Variants in ENTREP2 observed in about 807,000 individuals in gnomAD.
The protein encoded by ENTREP2 is endosomal transmembrane epsin interactor 2.
the ENTREP2 span, among the ~76,000 whole-genome samples, chr15:29,365,913 G>C: frequency 1.3e-5 from 2 of 152,068 alleles, no homozygotes. Flanking sequence ...CCCGAATCAA[G>C]GTGCAGCAGA....
chr15:29,250,931 A>G, the ENTREP2 span, among the ~76,000 whole-genome samples: 1,311 of 152,300 alleles, frequency 8.6e-3, 53 homozygotes, highest in East Asian at 0.12. Flanking sequence ...TCAACAGACA[A>G]TAACAAGATG....
chr15:29,188,343 C>T, the ENTREP2 span, among the ~76,000 whole-genome samples: 3 of 152,034 alleles, frequency 2.0e-5, no homozygotes, highest in Non-Finnish European at 4.4e-5. Flanking sequence ...TTGCTGCACC[C>T]ATCAACACAT....
chr15:29,219,614 AATATATATATATATATATATAT>A, the ENTREP2 span, among the ~76,000 whole-genome samples: 331 of 38,394 alleles, frequency 8.6e-3, 13 homozygotes, highest in Middle Eastern at 0.025. Flanking sequence ...GTGGTGCATA[AATATATATATATATATATATAT>A]ATATATATAT....
chr15:29,316,257 T>C, the ENTREP2 span, among the ~76,000 whole-genome samples: 13 of 152,252 alleles, frequency 8.5e-5, no homozygotes, highest in Admixed American at 5.9e-4. Context: ...TTTAATTGTA[T>C]ATCTCAAGTG....
chr15:29,152,106 T>C, the ENTREP2 span, among the ~76,000 whole-genome samples: 3 of 152,186 alleles, frequency 2.0e-5, no homozygotes, highest in Non-Finnish European at 1.5e-5. Context: ...AGGTAGTCAG[T>C]AACATGTCTA....
At chr15:29,457,573 G>T in the ENTREP2 span, among the ~76,000 whole-genome samples, 1 of 152,184 alleles carries the variant, frequency 6.6e-6, no homozygotes, top group Non-Finnish European at 1.5e-5. Flanking sequence ...AAGCCCTGAG[G>T]CTTGGACAGA....
the ENTREP2 span, among the ~76,000 whole-genome samples, chr15:29,240,892 G>A: frequency 6.6e-6 from 1 of 152,096 alleles, no homozygotes; most frequent in Non-Finnish European, 1.5e-5. Context: ...GAAAGTTAGC[G>A]ACCATCATAT....
the ENTREP2 span, among the ~76,000 whole-genome samples, chr15:29,543,518 C>T: frequency 7.1e-5 from 10 of 141,258 alleles, no homozygotes; most frequent in African/African-American, 2.5e-4. Context: ...CAGTGGCTCA[C>T]GCCTGTAATC....
chr15:29,133,019 C>T, the ENTREP2 span, among the ~76,000 whole-genome samples: 1 of 152,176 alleles, frequency 6.6e-6, no homozygotes, highest in Non-Finnish European at 1.5e-5. Flanking sequence ...CCCCTGCCGC[C>T]TTCAGGGGTT....
the ENTREP2 span, among the ~76,000 whole-genome samples, chr15:29,388,355 C>T: frequency 3.3e-5 from 5 of 152,230 alleles, no homozygotes; most frequent in African/African-American, 1.2e-4. Context: ...AGCCAACAGA[C>T]ACATGAAAAA....
the ENTREP2 span, among the ~76,000 whole-genome samples, chr15:29,444,089 C>T: frequency 1.3e-5 from 2 of 151,354 alleles, no homozygotes; most frequent in South Asian, 2.1e-4. Context: ...GGCGACAGAG[C>T]AAGACTCCGT....
chr15:29,660,151 G>A, the ENTREP2 span, among the ~76,000 whole-genome samples: 1 of 152,112 alleles, frequency 6.6e-6, no homozygotes, highest in Non-Finnish European at 1.5e-5. Context: ...ATTGTTTTTG[G>A]CTTGAGCTAT....
chr15:29,587,169 G>GTA, the ENTREP2 span, among the ~76,000 whole-genome samples: 57 of 141,386 alleles, frequency 4.0e-4, 2 homozygotes, highest in South Asian at 2.0e-3. Context: ...GTGTGTGTGT[G>GTA]TGTGTGTGTG....
At chr15:29,364,902 T>G in the ENTREP2 span, among the ~76,000 whole-genome samples, 1 of 152,130 alleles carries the variant, frequency 6.6e-6, no homozygotes, top group East Asian at 1.9e-4. Context: ...TAACAACTGG[T>G]GAACCTACAT....
the ENTREP2 span, among the ~76,000 whole-genome samples, chr15:29,264,809 T>C: frequency 2.0e-4 from 30 of 152,114 alleles, no homozygotes; most frequent in African/African-American, 6.8e-4. Context: ...TCAAAAATAA[T>C]GATAATATAG....
At chr15:29,368,880 GAA>G in the ENTREP2 span, among the ~76,000 whole-genome samples, 1 of 147,000 alleles carries the variant, frequency 6.8e-6, no homozygotes, top group Non-Finnish European at 1.5e-5. Context: ...GACTCTGTCT[GAA>G]AAAAAAAATA....
chr15:29,323,240 G>A, the ENTREP2 span, among the ~76,000 whole-genome samples: 1 of 152,244 alleles, frequency 6.6e-6, no homozygotes, highest in African/African-American at 2.4e-5. Flanking sequence ...GGGACTTTCA[G>A]CCCAATCCCC....
the ENTREP2 span, among the ~76,000 whole-genome samples, chr15:29,246,323 T>C: frequency 6.8e-6 from 1 of 146,818 alleles, no homozygotes; most frequent in African/African-American, 2.5e-5. Context: ...CCCAGGGAGG[T>C]TGAGGCTGCA....
At chr15:29,523,611 C>T in the ENTREP2 span, among the ~76,000 whole-genome samples, 19 of 109,168 alleles carry the variant, frequency 1.7e-4, no homozygotes, top group Admixed American at 2.4e-3. Flanking sequence ...ACAAGTTGAT[C>T]CTGTAATTCA....
Sources: gnomAD v4.1 joint callset for allele counts (sites outside exome capture counted in the v4.1 genomes callset) on GRCh38, gnomAD v4.1.1 for gene constraint, MANE v1.5 for transcripts, NCBI Gene and HGNC (gene_info 2026-07-23, HGNC 2026-07-21) for gene names.